The following TLN2 variants were observed in gnomAD, a reference collection of about 807,000 sequenced individuals.
TLN2 encodes talin-2.
TLN2 carries 118 observed loss-of-function variants against 294.7 expected under a neutral mutation model. The observed-to-expected ratio is 0.40, with a 90% CI of 0.34 to 0.47. The LOEUF (loss-of-function observed/expected upper bound fraction) is 0.47, where lower values mean the gene tolerates loss of function less well. Among genes scored for constraint, TLN2 ranks in the 20% least tolerant of loss-of-function variants. The probability of loss-of-function intolerance (pLI) is 0.84; values close to 1 mark genes in which losing one functional copy is unlikely to be tolerated. For missense variants in TLN2, 3,083 were observed against 3,282.2 expected, an observed-to-expected ratio of 0.94 and a Z score of 1.48; for synonymous variants, 1,431 against 1,304.5, an observed-to-expected ratio of 1.10 and a Z score of -2.09.
rs1011363290 is a variant in TLN2 at position 62,755,633 on chromosome 15, C to G, written c.4578C>G (p.His1526Gln). Residue 1526 changes from histidine to glutamine, a missense_variant, in exon 37 of 59, where the codon CAC becomes CAG. Coordinates refer to ENST00000636159, the MANE Select transcript of TLN2 (RefSeq NM_015059.3). Reference protein sequence around the residue: ...SKTANPVAKRHFVQSAKEVAN... With the variant: ...SKTANPVAKRQFVQSAKEVAN... Reference sequence around the variant, plus strand: ...CGGCCAACCCAGTAGCCAAGAGGCACTTCGTCCAGTCAGCCAAGGAAGTCG... The same window carrying G: ...CGGCCAACCCAGTAGCCAAGAGGCAGTTCGTCCAGTCAGCCAAGGAAGTCG... 1.9e-6 allele frequency: 3 copies of G among 1,614,132 alleles called. No homozygotes were observed. In the African/African-American group the frequency reaches 4.0e-5, roughly 22 times the overall value.
At chr15:62,619,741 A>G (rs987091633) in intron 3 of TLN2, among the ~76,000 whole-genome samples, 1 of 152,162 alleles carries the variant, frequency 6.6e-6, no homozygotes, top group Admixed American at 6.5e-5. Context: ...CTGAAAGGAG[A>G]AAGGAAGTAT....
chr15:62,718,280 C>T (rs758149551), intron 24 of TLN2, among the ~76,000 whole-genome samples: 5 of 152,216 alleles, frequency 3.3e-5, no homozygotes, highest in African/African-American at 7.2e-5. Context: ...CCCCAGGGCT[C>T]CTCTTAATGG....
intron 28 of TLN2, among the ~76,000 whole-genome samples, chr15:62,731,091 A>C (rs904434837): frequency 3.9e-5 from 6 of 152,050 alleles, no homozygotes; most frequent in Non-Finnish European, 7.4e-5. Flanking sequence ...CCTTCAGTTG[A>C]GATTTTAATT....
chr15:62,664,912 C>A (rs2054405451), intron 9 of TLN2, among the ~76,000 whole-genome samples: 1 of 137,104 alleles, frequency 7.3e-6, no homozygotes, highest in African/African-American at 2.8e-5. Context: ...TATGGGATTT[C>A]CACTAATTCT....
chr15:62,502,693 G>A (rs1199453787), intron 1 of TLN2, among the ~76,000 whole-genome samples: 1 of 152,188 alleles, frequency 6.6e-6, no homozygotes, highest in Non-Finnish European at 1.5e-5. Flanking sequence ...GAGACGGGGC[G>A]TCATCTGGTT....
At chr15:62,582,094 G>C (rs1354835821) in intron 1 of TLN2, among the ~76,000 whole-genome samples, 3 of 151,656 alleles carry the variant, frequency 2.0e-5, no homozygotes, top group African/African-American at 7.3e-5. Flanking sequence ...ACTAATCACT[G>C]GGACTGAGAG....
At chr15:62,514,002 C>G (rs939952773) in intron 1 of TLN2, among the ~76,000 whole-genome samples, 3 of 152,186 alleles carry the variant, frequency 2.0e-5, no homozygotes, top group Admixed American at 2.0e-4. Context: ...AAAAGAAATT[C>G]TTGTCAAGGA....
chr15:62,781,382 T>G, intron 44 of TLN2, 141 bp downstream of exon 44: 1 of 621,432 alleles, frequency 1.6e-6, no homozygotes, highest in Non-Finnish European at 2.8e-6. Flanking sequence ...GCTTCTGTCC[T>G]TTATCTGTGG....
At chr15:62,761,950 G>A in intron 38 of TLN2, 129 bp downstream of exon 38, 2 of 1,242,358 alleles carry the variant, frequency 1.6e-6, no homozygotes, top group Non-Finnish European at 2.3e-6. Context: ...TCTTGTCAAT[G>A]ATGGCATGTG....
At chr15:62,434,116 G>A (rs960063207) in intron 1 of TLN2, among the ~76,000 whole-genome samples, 4 of 152,116 alleles carry the variant, frequency 2.6e-5, no homozygotes, top group Middle Eastern at 3.4e-3. Flanking sequence ...GTAGAAAGAG[G>A]CATGCAGTGA....
At chr15:62,814,827 T>C (rs1004464428) in intron 52 of TLN2, among the ~76,000 whole-genome samples, 1 of 152,228 alleles carries the variant, frequency 6.6e-6, no homozygotes, top group African/African-American at 2.4e-5. Context: ...TTCACACAGT[T>C]AGCTTTAACT....
intron 1 of TLN2, among the ~76,000 whole-genome samples, chr15:62,394,417 A>G (rs74459752): frequency 0.011 from 1,646 of 152,328 alleles, 31 homozygotes; most frequent in African/African-American, 0.038. Context: ...TTTAAAGACA[A>G]GAAGGAAAAC....
At chr15:62,622,529 A>T (rs2048922699) in intron 3 of TLN2, among the ~76,000 whole-genome samples, 1 of 152,208 alleles carries the variant, frequency 6.6e-6, no homozygotes, top group Non-Finnish European at 1.5e-5. Context: ...GGACACAGAG[A>T]CAGCCATGAC....
chr15:62,412,059 A>G (rs1487700833), intron 1 of TLN2, among the ~76,000 whole-genome samples: 2 of 152,154 alleles, frequency 1.3e-5, no homozygotes, highest in African/African-American at 4.8e-5. Context: ...TTTGGGAAAC[A>G]CTGGGTTAGA....
intron 52 of TLN2, among the ~76,000 whole-genome samples, chr15:62,818,849 TTTA>T (rs1441057047): frequency 0.078 from 349 of 4,486 alleles, 2 homozygotes; most frequent in African/African-American, 0.2. Flanking sequence ...TTTATTTTTA[TTTA>T]TTTATTTATT....
intron 26 of TLN2, 146 bp downstream of exon 26, chr15:62,722,633 G>T: frequency 9.7e-7 from 1 of 1,026,682 alleles, no homozygotes; most frequent in South Asian, 3.0e-5. Flanking sequence ...GCCCCTGTGG[G>T]TTGGCTTTTG....
chr15:62,507,359 C>T (rs2039679013), intron 1 of TLN2, among the ~76,000 whole-genome samples: 1 of 152,186 alleles, frequency 6.6e-6, no homozygotes, highest in African/African-American at 2.4e-5. Context: ...CTCATTGAGA[C>T]CCCCGTGTGA....
chr15:62,679,030 CT>C (rs71131118), intron 11 of TLN2, among the ~76,000 whole-genome samples: 104,319 of 132,444 alleles, frequency 0.79, 41,831 homozygotes, highest in East Asian at 0.9. Context: ...TATACCAAGT[CT>C]TTTTTTTTTT....
At chr15:62,640,836 C>G (rs996539918) in intron 3 of TLN2, among the ~76,000 whole-genome samples, 53 of 152,232 alleles carry the variant, frequency 3.5e-4, no homozygotes, top group African/African-American at 1.3e-3. Flanking sequence ...GAGTCTCACT[C>G]TGTCGCCCAG....
Sources: gnomAD v4.1 joint callset for allele counts (sites outside exome capture counted in the v4.1 genomes callset) on GRCh38, gnomAD v4.1.1 for gene constraint, MANE v1.5 for transcripts, NCBI Gene and HGNC (gene_info 2026-07-23, HGNC 2026-07-21) for gene names.